EEPD1: variants seen among roughly 807,000 people sequenced by gnomAD.
EEPD1 encodes the protein endonuclease/exonuclease/phosphatase family domain-containing protein 1.
Under a neutral mutation model 46.3 loss-of-function variants are expected in EEPD1, and 17 were observed. The ratio of observed to expected loss-of-function variants is 0.37; its 90% CI spans 0.25 to 0.55. The LOEUF is 0.55. Among genes scored for constraint, EEPD1 ranks in the 20% least tolerant of loss-of-function variants. The pLI is 0.83. For missense variants in EEPD1, 673 were observed against 745.6 expected, an observed-to-expected ratio of 0.90 and a Z score of 1.13; for synonymous variants, 313 against 315.6, an observed-to-expected ratio of 0.99 and a Z score of 0.09.
At chr7:36,209,237 C>T (rs1368479974) in intron 2 of EEPD1, among the ~76,000 whole-genome samples, 1 of 152,188 alleles carries the variant, frequency 6.6e-6, no homozygotes, top group Non-Finnish European at 1.5e-5. Context: ...GCTGTTTACT[C>T]ATTATTTTAT....
intron 2 of EEPD1, among the ~76,000 whole-genome samples, chr7:36,236,683 T>C (rs1786449923): frequency 6.6e-6 from 1 of 152,196 alleles, no homozygotes; most frequent in Admixed American, 6.5e-5. Context: ...CAGCGCTCTG[T>C]GTCTAGCTCA....
chr7:36,228,160 G>A (rs566687261), intron 2 of EEPD1, among the ~76,000 whole-genome samples: 25 of 152,236 alleles, frequency 1.6e-4, no homozygotes, highest in South Asian at 2.1e-4. Context: ...GAAAAGAGGC[G>A]TGTTCAGACA....
chr7:36,232,647 G>A (rs533100546), intron 2 of EEPD1, among the ~76,000 whole-genome samples: 3 of 149,846 alleles, frequency 2.0e-5, no homozygotes, highest in African/African-American at 4.9e-5. Context: ...CAGTAGATTG[G>A]TTGTGGCTCA....
intron 7 of EEPD1, among the ~76,000 whole-genome samples, chr7:36,298,488 A>G (rs994724153): frequency 6.6e-6 from 1 of 152,202 alleles, no homozygotes; most frequent in African/African-American, 2.4e-5. Flanking sequence ...ATTATATTCA[A>G]ATATACTTCC....
At chr7:36,212,663 G>A (rs1399120192) in intron 2 of EEPD1, among the ~76,000 whole-genome samples, 1 of 149,700 alleles carries the variant, frequency 6.7e-6, no homozygotes, top group Non-Finnish European at 1.5e-5. Context: ...GAGTACTAGG[G>A]GGCCACTGTG....
intron 3 of EEPD1, among the ~76,000 whole-genome samples, chr7:36,256,207 G>T (rs1315669565): frequency 1.3e-5 from 2 of 151,918 alleles, no homozygotes; most frequent in South Asian, 4.1e-4. Context: ...GATTTCCATT[G>T]TTTTGCATTT....
intron 6 of EEPD1, among the ~76,000 whole-genome samples, chr7:36,291,333 C>G (rs1015666307): frequency 6.6e-6 from 1 of 152,222 alleles, no homozygotes; most frequent in South Asian, 2.1e-4. Flanking sequence ...ACAGCAGCCA[C>G]TTCCGTGTGG....
At chr7:36,266,628 G>C (rs34720943) in intron 3 of EEPD1, among the ~76,000 whole-genome samples, 1 of 152,052 alleles carries the variant, frequency 6.6e-6, no homozygotes, top group Non-Finnish European at 1.5e-5. Flanking sequence ...ACAATTCAGC[G>C]GCATTTAGGA....
chr7:36,195,409 T>C (rs1785560901), intron 2 of EEPD1, among the ~76,000 whole-genome samples: 1 of 152,212 alleles, frequency 6.6e-6, no homozygotes, highest in African/African-American at 2.4e-5. Context: ...TGGGTTCCTC[T>C]ATAAAAGTTT....
At chr7:36,285,531 G>C (rs1318866776) in intron 5 of EEPD1, among the ~76,000 whole-genome samples, 1 of 152,158 alleles carries the variant, frequency 6.6e-6, no homozygotes, top group Non-Finnish European at 1.5e-5. Flanking sequence ...ATGCCCTTGG[G>C]AAGTGTTAAT....
chr7:36,204,342 G>T (rs964047213), intron 2 of EEPD1, among the ~76,000 whole-genome samples: 13 of 152,092 alleles, frequency 8.5e-5, no homozygotes, highest in African/African-American at 3.1e-4. Context: ...AGCCATAAAT[G>T]CCCTTTTAAG....
Position 36,155,213 on chromosome 7 carries a change from G to A in EEPD1, c.878+11G>A. 11 of 1,509,734 alleles carry A rather than the reference G, an allele frequency of 7.3e-6. No individual in the cohort carries two copies. Among genetic ancestry groups the A allele is most frequent in the Non-Finnish European group, 9.7e-6 (11 of 1,128,538 alleles). 93.5% of individuals were successfully genotyped at this position (1,509,734 alleles called of 1,614,324 possible). On this transcript the variant is annotated intron_variant, in intron 2 of 7. Transcript: ENST00000242108. ...ACTCCTGGAAAACAGGTGAGGACAG[G>A]AACCACCATGGGTGTTGGGTGTGAA... is the stretch of plus-strand genomic sequence containing the variant.
chr7:36,220,161 A>G (rs1786119605), intron 2 of EEPD1, among the ~76,000 whole-genome samples: 1 of 152,224 alleles, frequency 6.6e-6, no homozygotes, highest in South Asian at 2.1e-4. Flanking sequence ...AAGCCAAGAA[A>G]TAATCAAAGA....
At chr7:36,223,320 C>T (rs1270464668) in intron 2 of EEPD1, among the ~76,000 whole-genome samples, 1 of 152,060 alleles carries the variant, frequency 6.6e-6, no homozygotes, top group African/African-American at 2.4e-5. Flanking sequence ...GCATCTCTTC[C>T]CAGCTCCACA....
chr7:36,253,824 A>G (rs998728392), intron 3 of EEPD1, among the ~76,000 whole-genome samples: 18 of 152,172 alleles, frequency 1.2e-4, no homozygotes, highest in Admixed American at 4.6e-4. Flanking sequence ...ATATCTTTGC[A>G]TCTTAAATGT....
At chr7:36,296,030 C>CAAAAAAAAAAAAAAAAAAAAAA (rs34494609) in intron 6 of EEPD1, among the ~76,000 whole-genome samples, 1 of 71,950 alleles carries the variant, frequency 1.4e-5, no homozygotes, top group Non-Finnish European at 2.3e-5. Context: ...GACTGTCTCA[C>CAAAAAAAAAAAAAAAAAAAAAA]AAAAAAAAAA....
chr7:36,155,091 A>G lies in EEPD1; in HGVS notation c.767A>G (p.Asp256Gly). ...GTGGAGGCCTTTGGAGGCACAAGGG[A>G]TGGGAGGCCTGTGCTGAGGCTGGCC... Reference protein sequence around the residue: ...PSVEAFGGTRDGRPVLRLATW... With the variant: ...PSVEAFGGTRGGRPVLRLATW... Residue 256 changes from aspartate to glycine, a missense_variant, in exon 2 of 8, where the codon GAT (aspartate) becomes GGT (glycine). By Grantham distance (94) the Asp-to-Gly change is moderately conservative. Coordinates refer to ENST00000242108, the MANE Select transcript of EEPD1 (RefSeq NM_030636.3). 2 of 1,584,028 alleles carry G rather than the reference A, an allele frequency of 1.3e-6. No homozygotes were observed. Among genetic ancestry groups the G allele is most frequent in the Non-Finnish European group, 1.7e-6 (2 of 1,164,346 alleles).
chr7:36,277,403 A>C (rs1458587629), intron 3 of EEPD1, among the ~76,000 whole-genome samples: 2 of 152,248 alleles, frequency 1.3e-5, no homozygotes, highest in African/African-American at 4.8e-5. Context: ...GCCTTGGTAC[A>C]GGTCAACAGG....
chr7:36,211,326 A>G (rs539729295), intron 2 of EEPD1, among the ~76,000 whole-genome samples: 9 of 152,346 alleles, frequency 5.9e-5, no homozygotes, highest in African/African-American at 2.2e-4. Flanking sequence ...AGATTAAAGG[A>G]ACAGCATAAT....
Sources: allele counts gnomAD v4.1 joint callset (sites outside exome capture counted in the v4.1 genomes callset), GRCh38; gene constraint gnomAD v4.1.1; transcripts MANE v1.5; gene names NCBI Gene and HGNC (gene_info 2026-07-23, HGNC 2026-07-21).